SENP6: variants seen among roughly 807,000 people sequenced by gnomAD.
SENP6 encodes the protein SUMO specific peptidase 6, also known as sentrin-specific protease 6.
A neutral mutation model predicts 134.5 loss-of-function variants in SENP6; 41 were observed. The ratio of observed to expected loss-of-function variants is 0.30; its 90% CI spans 0.24 to 0.40. The LOEUF (loss-of-function observed/expected upper bound fraction) is 0.40, where lower values mean the gene tolerates loss of function less well. Among genes scored for constraint, SENP6 ranks in the 10% least tolerant of loss-of-function variants. SENP6 has a pLI of 1.00. For missense variants in SENP6, 1,248 were observed against 1,312.5 expected, an observed-to-expected ratio of 0.95 and a Z score of 0.76; for synonymous variants, 395 against 429.8, an observed-to-expected ratio of 0.92 and a Z score of 1.00.
At chr6:75,689,422 C>CAA (rs557591208) in intron 16 of SENP6, among the ~76,000 whole-genome samples, 1 of 149,828 alleles carries the variant, frequency 6.7e-6, no homozygotes, top group African/African-American at 2.5e-5. Context: ...AAAACAAAAA[C>CAA]AAAAAAAAAC....
At chr6:75,653,315 G>A (rs1408059061) in intron 7 of SENP6, among the ~76,000 whole-genome samples, 3 of 152,182 alleles carry the variant, frequency 2.0e-5, no homozygotes, top group Non-Finnish European at 4.4e-5. Flanking sequence ...ACAGGCATGA[G>A]CCACTGTGCC....
rs1561951255 is a variant in SENP6, at chr6:75,602,326, GC to G, written c.-196del. Reference sequence around the variant, plus strand: ...GGGCCGCGGGCCTCGCTGCCCGCCAGCCCGCGGACAGGCCCGGGCGCGCCTG... The same window carrying G: ...GGGCCGCGGGCCTCGCTGCCCGCCAGCCGCGGACAGGCCCGGGCGCGCCTG... On this transcript the variant is annotated 5_prime_UTR_variant, in exon 1 of 24. Coordinates refer to ENST00000447266, the MANE Select transcript of SENP6 (RefSeq NM_015571.4). 1 of 491,642 alleles carries G rather than the reference GC, an allele frequency of 2.0e-6. No homozygotes were observed. Among genetic ancestry groups the G allele is most frequent in the African/African-American group, 2.1e-5 (1 of 48,690 alleles). 30.5% of individuals were successfully genotyped at this position (491,642 alleles called of 1,614,324 possible).
chr6:75,707,518 C>G (rs1275124821), intron 19 of SENP6, among the ~76,000 whole-genome samples: 1 of 151,654 alleles, frequency 6.6e-6, no homozygotes, highest in Admixed American at 6.6e-5. Context: ...CATGTGTCAC[C>G]TGCCCGGCAA....
intron 8 of SENP6, among the ~76,000 whole-genome samples, chr6:75,661,895 A>T (rs1582797793): frequency 6.6e-6 from 1 of 152,054 alleles, no homozygotes; most frequent in Non-Finnish European, 1.5e-5. Context: ...CTACTAAAAA[A>T]ACAAAAATTA....
intron 16 of SENP6, among the ~76,000 whole-genome samples, chr6:75,691,017 T>G (rs1438696795): frequency 6.6e-6 from 1 of 151,638 alleles, no homozygotes; most frequent in Non-Finnish European, 1.5e-5. Flanking sequence ...TTTTTTTTTT[T>G]TTTTTTTAAT....
At chr6:75,649,083 A>G (rs942679569) in intron 7 of SENP6, among the ~76,000 whole-genome samples, 3 of 152,130 alleles carry the variant, frequency 2.0e-5, no homozygotes, top group Non-Finnish European at 2.9e-5. Context: ...GATGCAGGCA[A>G]TCACCTGAGG....
At chr6:75,661,109 C>T (rs1273047851) in intron 8 of SENP6, among the ~76,000 whole-genome samples, 1 of 152,182 alleles carries the variant, frequency 6.6e-6, no homozygotes, top group Non-Finnish European at 1.5e-5. Flanking sequence ...CTAAGAAATA[C>T]ATGTGTGTGT....
intron 3 of SENP6, among the ~76,000 whole-genome samples, chr6:75,630,360 C>T (rs532429901): frequency 6.0e-4 from 91 of 152,148 alleles, no homozygotes; most frequent in Non-Finnish European, 6.2e-4. Flanking sequence ...TTGAGCTGCT[C>T]GGCCAACATT....
rs778028627 is a variant in SENP6 at position 75,677,175 on chromosome 6, T to A, written c.1767T>A (p.Asn589Lys). The A allele has an allele frequency of 6.2e-7, 1 of 1,612,824 alleles. No individual in the cohort carries two copies. Among genetic ancestry groups the A allele is most frequent in the Non-Finnish European group, 8.5e-7 (1 of 1,179,256 alleles). Reference sequence around the variant, plus strand: ...CGAAAATTCCCTTTGAAGAAGCTAATGGCAGACTTGTTGCCTGTACAAGAA... The same window carrying A: ...CGAAAATTCCCTTTGAAGAAGCTAAAGGCAGACTTGTTGCCTGTACAAGAA... Reference protein sequence around the residue: ...FFAKIPFEEANGRLVACTRTY... With the variant: ...FFAKIPFEEAKGRLVACTRTY... The change falls in exon 14 of 24, where the codon AAT becomes AAA. Residue 589 changes from asparagine (N) to lysine (K), a missense_variant. Physicochemically the swap from Asn to Lys is moderately conservative, Grantham distance 94. Around this residue, in one of 3 missense-constraint regions of SENP6, gnomAD observed 733 missense variants for 725.4 expected, o/e 1.01. Transcript: ENST00000447266.
chr6:75,621,774 C>G, intron 2 of SENP6, 149 bp downstream of exon 2: 1 of 525,522 alleles, frequency 1.9e-6, no homozygotes, highest in Non-Finnish European at 3.4e-6. Context: ...AAAGAAAAAG[C>G]AATTCCTTAT....
intron 13 of SENP6, among the ~76,000 whole-genome samples, chr6:75,676,451 G>T (rs1382469263): frequency 6.6e-6 from 1 of 152,120 alleles, no homozygotes; most frequent in Admixed American, 6.5e-5. Flanking sequence ...CCTAAAATGG[G>T]CCTTAAGTCT....
chr6:75,644,283 C>T (rs1283458833), intron 6 of SENP6: 1 of 151,820 alleles, frequency 6.6e-6, no homozygotes, highest in Non-Finnish European at 1.5e-5. Flanking sequence ...TCCCAAATGC[C>T]CAAACTGATA....
intron 8 of SENP6, among the ~76,000 whole-genome samples, chr6:75,659,717 ATATT>A (rs1050583591): frequency 1.3e-5 from 2 of 152,196 alleles, no homozygotes; most frequent in African/African-American, 4.8e-5. Context: ...GAAAATCTAT[ATATT>A]TATCTCCCAG....
chr6:75,629,699 A>C (rs557143809), intron 3 of SENP6, among the ~76,000 whole-genome samples: 1 of 152,200 alleles, frequency 6.6e-6, no homozygotes, highest in African/African-American at 2.4e-5. Context: ...ACATATATCT[A>C]CTTGGATTTT....
chr6:75,666,620 G>A, intron 9 of SENP6, 92 bp from the exon 10 acceptor site: 1 of 609,050 alleles, frequency 1.6e-6, no homozygotes, highest in Non-Finnish European at 2.3e-6. Context: ...TTCCACTTTG[G>A]TAATTTATTT....
At chr6:75,634,360 C>CT (rs1482302633) in intron 4 of SENP6, among the ~76,000 whole-genome samples, 1 of 152,132 alleles carries the variant, frequency 6.6e-6, no homozygotes, top group Non-Finnish European at 1.5e-5. Context: ...GATTCTCCTG[C>CT]TTCATCCTCC....
At position 75,702,894 on chromosome 6, in the gene SENP6, T is replaced by C. The variant is rs902707043; in HGVS notation, c.2538T>C (p.Ser846=). The stretch of plus-strand genomic sequence containing the variant: ...ATTCCAATCCTGGGCAGGAAGAAAG[T>C]GACCCTCGTTATAAGAGAAACATAT... ...VIDSNPGQEE[S]DPRYKRNICS... Residue 846 remains serine, a synonymous_variant, in exon 19 of 24, where the codon AGT becomes AGC. Transcript: ENST00000447266. The C allele has an allele frequency of 3.7e-6, 6 of 1,613,998 alleles. No individual in the cohort carries two copies. Among genetic ancestry groups the C allele is most frequent in the Admixed American group, 1.7e-5 (1 of 60,002 alleles).
At chr6:75,609,065 G>C (rs957451298) in intron 1 of SENP6, among the ~76,000 whole-genome samples, 7 of 152,160 alleles carry the variant, frequency 4.6e-5, no homozygotes, top group African/African-American at 1.7e-4. Flanking sequence ...TATTAGAAAA[G>C]TATGTTGAAT....
chr6:75,626,117 GAGTT>G (rs914025799), intron 3 of SENP6, among the ~76,000 whole-genome samples: 3 of 134,352 alleles, frequency 2.2e-5, no homozygotes, highest in African/African-American at 8.3e-5. Context: ...ACTAAATAGA[GAGTT>G]AGGTTTGTTG....
Sources: gnomAD v4.1 joint callset for allele counts (sites outside exome capture counted in the v4.1 genomes callset) on GRCh38, gnomAD v4.1.1 for gene constraint, gnomAD v4.1.1 regional missense constraint, MANE v1.5 for transcripts, NCBI Gene and HGNC (gene_info 2026-07-23, HGNC 2026-07-21) for gene names.